STEAP1B: variants seen among roughly 807,000 people sequenced by gnomAD.
The protein encoded by STEAP1B is STEAP family protein MGC87042.
STEAP1B carries 13 observed loss-of-function variants against 27.9 expected under a neutral mutation model. The ratio of observed to expected loss-of-function variants is 0.47; its 90% CI spans 0.30 to 0.74. The LOEUF is 0.74. Ranked by LOEUF, STEAP1B falls within the 30% of genes least tolerant of loss-of-function variation. The probability of loss-of-function intolerance (pLI) is 0.06; values close to 1 mark genes in which losing one functional copy is unlikely to be tolerated. For missense variants in STEAP1B, 250 were observed against 298.7 expected (o/e 0.84, Z 1.20); for synonymous variants, 86 against 107.1 (o/e 0.80, Z 1.22).
intron 4 of STEAP1B, among the ~76,000 whole-genome samples, chr7:22,436,696 C>T (rs902047616): frequency 1.3e-5 from 2 of 152,146 alleles, no homozygotes; most frequent in Non-Finnish European, 2.9e-5. Flanking sequence ...CCTCCAGCTC[C>T]ATTCATGTCC....
intron 1 of STEAP1B, among the ~76,000 whole-genome samples, chr7:22,495,168 T>C (rs900550263): frequency 6.6e-6 from 1 of 152,250 alleles, no homozygotes; most frequent in African/African-American, 2.4e-5. Context: ...TGTTGCCTTT[T>C]ACTTTAGGAA....
At chr7:22,429,808 T>A (rs1028116985) in intron 4 of STEAP1B, among the ~76,000 whole-genome samples, 2 of 152,200 alleles carry the variant, frequency 1.3e-5, no homozygotes, top group African/African-American at 4.8e-5. Flanking sequence ...CTTCAAAAAC[T>A]TATAAATCTA....
intron 4 of STEAP1B, among the ~76,000 whole-genome samples, chr7:22,430,637 G>C (rs1212803434): frequency 6.6e-6 from 1 of 152,222 alleles, no homozygotes; most frequent in Non-Finnish European, 1.5e-5. Flanking sequence ...TTTCGTTAGA[G>C]TCATGATGGC....
chr7:22,474,176 C>T (rs1412702378), intron 4 of STEAP1B, among the ~76,000 whole-genome samples: 1 of 152,052 alleles, frequency 6.6e-6, no homozygotes, highest in Non-Finnish European at 1.5e-5. Flanking sequence ...ATATGAATAC[C>T]TATATATTTA....
At chr7:22,490,177 C>A (rs1786296010) in intron 4 of STEAP1B, among the ~76,000 whole-genome samples, 1 of 150,210 alleles carries the variant, frequency 6.7e-6, no homozygotes, top group Non-Finnish European at 1.5e-5. Context: ...TTTTAGAAAA[C>A]TTTTTTTTAA....
chr7:22,448,084 T>C (rs1785433795), intron 4 of STEAP1B, among the ~76,000 whole-genome samples: 2 of 152,236 alleles, frequency 1.3e-5, no homozygotes, highest in African/African-American at 2.4e-5. Flanking sequence ...TATTCATCTA[T>C]GGTTTATCAT....
chr7:22,481,288 C>T (rs972588612), intron 4 of STEAP1B, among the ~76,000 whole-genome samples: 1 of 152,188 alleles, frequency 6.6e-6, no homozygotes, highest in African/African-American at 2.4e-5. Flanking sequence ...GAGCACAGAC[C>T]TCTGGAGCCA....
chr7:22,465,361 T>C (rs1433532101), intron 4 of STEAP1B, among the ~76,000 whole-genome samples: 1 of 152,182 alleles, frequency 6.6e-6, no homozygotes, highest in South Asian at 2.1e-4. Context: ...GGTGGACTAA[T>C]GTACGGATTT....
intron 1 of STEAP1B, among the ~76,000 whole-genome samples, chr7:22,499,382 G>GTTTTTTTTT (rs762539777): frequency 6.7e-6 from 1 of 150,018 alleles, no homozygotes; most frequent in African/African-American, 2.5e-5. Flanking sequence ...AGTTTTTTGG[G>GTTTTTTTTT]TTTTTTTTTC....
At chr7:22,484,890 A>G (rs905169494) in intron 4 of STEAP1B, among the ~76,000 whole-genome samples, 3 of 152,226 alleles carry the variant, frequency 2.0e-5, no homozygotes, top group African/African-American at 7.2e-5. Flanking sequence ...GGAAAAAGTC[A>G]ATGCAGATGT....
At chr7:22,463,486 C>T (rs552947274) in intron 4 of STEAP1B, among the ~76,000 whole-genome samples, 8 of 152,312 alleles carry the variant, frequency 5.3e-5, no homozygotes, top group African/African-American at 1.9e-4. Flanking sequence ...GAAAAAGAGC[C>T]TGCATCGCCA....
intron 4 of STEAP1B, among the ~76,000 whole-genome samples, chr7:22,420,328 T>TG (rs1785029177): frequency 6.6e-6 from 1 of 152,164 alleles, no homozygotes; most frequent in South Asian, 2.1e-4. Flanking sequence ...TCCTCCAGCC[T>TG]GGGGGATGAT....
At position 22,438,775 on chromosome 7, in the gene STEAP1B, G is replaced by T. The variant is rs543020387; in HGVS notation, c.763-18939C>A. On this transcript the variant is annotated intron_variant, in intron 4 of 4. Transcript: ENST00000678116. ...TATAGCCTAGAAAATGAAAAGAAAT[G>T]ATACATTTGGTGCCTGTGTAAAGTA... 2.6e-6 allele frequency: 4 copies of T among 1,540,600 alleles called. No homozygotes were observed. The African/African-American group carries it at 5.5e-5, about 21-fold the overall frequency.
At chr7:22,422,469 G>C (rs931363831) in intron 4 of STEAP1B, among the ~76,000 whole-genome samples, 1 of 151,784 alleles carries the variant, frequency 6.6e-6, no homozygotes, top group Admixed American at 6.6e-5. Flanking sequence ...TGAGTCCTTG[G>C]AAAATAAACT....
At position 22,470,260 on chromosome 7, in the gene STEAP1B, C is replaced by A. The variant is rs562884053; in HGVS notation, c.762+22305G>T. On this transcript the variant is annotated intron_variant, in intron 4 of 4. Transcript: ENST00000678116. ...AAATATATAAAGGATGTAGCCGTAT[C>A]GAAAGAGCACAGGAGCCACCTGAAA... Among the ~76,000 whole-genome samples the A allele has an allele frequency of 5.1e-4, 77 of 152,176 alleles. 2 individuals are homozygous for A. In the South Asian group the frequency reaches 0.015, roughly 30 times the overall value.
At chr7:22,498,991 T>A (rs1786488998) in intron 1 of STEAP1B, among the ~76,000 whole-genome samples, 1 of 152,162 alleles carries the variant, frequency 6.6e-6, no homozygotes, top group Non-Finnish European at 1.5e-5. Flanking sequence ...AAACTATGAG[T>A]CAAATAAATT....
intron 4 of STEAP1B, among the ~76,000 whole-genome samples, chr7:22,456,968 A>ATTTTTTTTT (rs1554285700): frequency 6.3e-5 from 3 of 47,942 alleles, no homozygotes; most frequent in Non-Finnish European, 1.0e-4. Context: ...ATATATATAT[A>ATTTTTTTTT]TATATTTTTT....
chr7:22,443,683 A>T (rs1785367259), intron 4 of STEAP1B, among the ~76,000 whole-genome samples: 1 of 152,212 alleles, frequency 6.6e-6, no homozygotes, highest in South Asian at 2.1e-4. Context: ...CATCGGAGAA[A>T]GGAAACTGCA....
chr7:22,494,910 T>G (rs1786413157), intron 1 of STEAP1B, 24 bp from the exon 2 acceptor site: 3 of 1,186,804 alleles, frequency 2.5e-6, no homozygotes, highest in Non-Finnish European at 3.6e-6. Flanking sequence ...AATAATTACT[T>G]TCATGTCTAT....
Sources: allele counts gnomAD v4.1 joint callset (sites outside exome capture counted in the v4.1 genomes callset), GRCh38; gene constraint gnomAD v4.1.1; transcripts MANE v1.5; gene names NCBI Gene and HGNC (gene_info 2026-07-23, HGNC 2026-07-21).